LPAR6: variants seen among roughly 807,000 people sequenced by gnomAD.
LPAR6 encodes the protein lysophosphatidic acid receptor 6.
In LPAR6, 17 loss-of-function variants were observed where a neutral mutation model predicts 22.0. That is an observed-to-expected ratio of 0.77 (90% CI 0.53 to 1.16). The LOEUF is 1.16. Ranked by LOEUF, LPAR6 falls within the 50% of genes most tolerant of loss-of-function variation. LPAR6 has a pLI of 0.00. For missense variants in LPAR6, 384 were observed against 406.9 expected (o/e 0.94, Z 0.48); for synonymous variants, 136 against 139.8 (o/e 0.97, Z 0.19).
At position 48,396,988 on chromosome 13, in the gene LPAR6, G is replaced by A. The variant is rs183295281; in HGVS notation, n.115-7176C>T. 2.9e-3 allele frequency among the ~76,000 whole-genome samples: 444 copies of A among 152,276 alleles called. 2 individuals carry two copies. Among genetic ancestry groups the A allele is most frequent in the African/African-American group, 0.01 (422 of 41,548 alleles). ...TAGAATGGTGATCATTAAAAAGTCA[G>A]GAAACAACAGATGCTGGAGAGGCTG... On this transcript the variant is annotated intron_variant and non_coding_transcript_variant, in intron 1 of 1. Coordinates refer to the LPAR6 transcript ENST00000462781.
At chr13:48,403,406 T>C (rs1655410260) in intron 1 of LPAR6, among the ~76,000 whole-genome samples, 1 of 151,858 alleles carries the variant, frequency 6.6e-6, no homozygotes, top group African/African-American at 2.4e-5. Context: ...AGAAAAACTG[T>C]GGAGGGAAGT....
At chr13:48,418,983 A>G (rs984114670) in intron 2 of LPAR6, among the ~76,000 whole-genome samples, 2 of 152,168 alleles carry the variant, frequency 1.3e-5, no homozygotes, top group Admixed American at 6.5e-5. Flanking sequence ...GATCAATGAG[A>G]CAGAAAATTA....
chr13:48,403,845 G>A (rs2138184886), intron 1 of LPAR6, among the ~76,000 whole-genome samples: 2 of 152,154 alleles, frequency 1.3e-5, no homozygotes, highest in Middle Eastern at 3.4e-3. Flanking sequence ...CTAAGGCCAT[G>A]CCAGCCTATG....
At chr13:48,428,468 T>A (rs1382023108), upstream of LPAR6, among the ~76,000 whole-genome samples, 1 of 151,788 alleles carries the variant, frequency 6.6e-6, no homozygotes, top group African/African-American at 2.4e-5. Flanking sequence ...CCTCCAGCAT[T>A]GGGGATCACA....
chr13:48,411,988 C>T lies in LPAR6; in HGVS notation c.436G>A (p.Gly146Arg), dbSNP rs121434308. Residue 146 changes from glycine to arginine, a missense_variant, in exon 1 of 1, where the codon GGA becomes AGA. Transcript: ENST00000620633. ...VCTGVWLTVI[G>R]GSAPAVFVQS... ...ACAAAAACGGCGGGTGCACTTCCTC[C>T]GATCACAGTTAACCACACGCCAGTG... The T allele has an allele frequency of 6.9e-6, 11 of 1,604,734 alleles. 1 individual carries two copies. The highest frequency in any genetic ancestry group is 3.3e-5 in the South Asian group (3 of 90,050).
chr13:48,419,697 A>T (rs1948975005), intron 2 of LPAR6, among the ~76,000 whole-genome samples: 2 of 152,214 alleles, frequency 1.3e-5, no homozygotes, highest in African/African-American at 2.4e-5. Flanking sequence ...AAAAAATGCT[A>T]AAGGGGATAT....
chr13:48,439,934 AGGAGGTGGT>A (rs935978327), intron 1 of LPAR6: 10 of 152,312 alleles, frequency 6.6e-5, no homozygotes, highest in African/African-American at 2.4e-4. Context: ...ATACTTCTTA[AGGAGGTGGT>A]GGAGGAGATT....
At position 48,432,473 on chromosome 13, in the gene LPAR6, C is replaced by G. The variant is rs540163816; in HGVS notation, c.-1473-8354G>C. On this transcript the variant is annotated intron_variant, in intron 1 of 6. Coordinates refer to the LPAR6 transcript ENST00000378434. ...GCCAGTGTTCTGAAACTAAATACTT[C>G]TCGGAGAGTAGCTGTCTCTCATTAA... 3.3e-5 allele frequency among the ~76,000 whole-genome samples: 5 copies of G among 149,890 alleles called. No homozygotes were observed. The South Asian group carries it at 1.1e-3, about 32-fold the overall frequency.
At chr13:48,397,544 A>G (rs1482207477) in intron 1 of LPAR6, among the ~76,000 whole-genome samples, 1 of 152,210 alleles carries the variant, frequency 6.6e-6, no homozygotes, top group African/African-American at 2.4e-5. Context: ...CCTAATGTAG[A>G]TGATGGGTTG....
chr13:48,421,798 C>T (rs1263230448), intron 2 of LPAR6, among the ~76,000 whole-genome samples: 2 of 152,152 alleles, frequency 1.3e-5, no homozygotes, highest in African/African-American at 4.8e-5. Context: ...TAATGAAATG[C>T]AAATCAAAAC....
chr13:48,430,506 G>A (rs1949118159), upstream of LPAR6, among the ~76,000 whole-genome samples: 2 of 152,092 alleles, frequency 1.3e-5, no homozygotes, highest in South Asian at 2.1e-4. Flanking sequence ...TTTGGGAGGC[G>A]AGACAGGTGG....
At chr13:48,391,975 A>T (rs1948614119) in intron 1 of LPAR6, among the ~76,000 whole-genome samples, 2 of 152,054 alleles carry the variant, frequency 1.3e-5, no homozygotes, top group Admixed American at 1.3e-4. Context: ...TCCAGCTTTT[A>T]TGTCTGGAAA....
At chr13:48,413,162 A>C (rs1948847482), upstream of LPAR6, 1 of 167,206 alleles carries the variant, frequency 6.0e-6, no homozygotes, top group Non-Finnish European at 1.5e-5. Context: ...CATCACAGGA[A>C]GAAGAGGCTG....
chr13:48,416,255 C>T (rs198626), upstream of LPAR6: 139,818 of 152,268 alleles, frequency 0.92, 64,963 homozygotes, highest in East Asian at 1. Context: ...TGAGACTGGT[C>T]AGACAGGGGG....
intron 1 of LPAR6, among the ~76,000 whole-genome samples, chr13:48,400,113 C>T (rs1388397264): frequency 6.6e-6 from 1 of 152,116 alleles, no homozygotes; most frequent in East Asian, 1.9e-4. Flanking sequence ...AAGTAGTGCT[C>T]ATCACTTGCT....
intron 1 of LPAR6, among the ~76,000 whole-genome samples, chr13:48,394,532 C>G (rs191352073): frequency 7.4e-4 from 112 of 152,316 alleles, no homozygotes; most frequent in African/African-American, 2.6e-3. Context: ...TCACAGCAGT[C>G]TGAGGTCGAC....
chr13:48,430,270 G>A (rs1949115735), upstream of LPAR6, among the ~76,000 whole-genome samples: 1 of 152,082 alleles, frequency 6.6e-6, no homozygotes, highest in Admixed American at 6.6e-5. Context: ...GAAAATTCAG[G>A]ATAATTCAGT....
intron 1 of LPAR6, among the ~76,000 whole-genome samples, chr13:48,433,706 G>T (rs1282557539): frequency 7.0e-6 from 1 of 142,752 alleles, no homozygotes; most frequent in Non-Finnish European, 1.5e-5. Flanking sequence ...ACCTTTAGTA[G>T]GTATGCATTG....
At chr13:48,426,253 T>C (rs1949077946) in intron 1 of LPAR6, among the ~76,000 whole-genome samples, 1 of 152,196 alleles carries the variant, frequency 6.6e-6, no homozygotes, top group Non-Finnish European at 1.5e-5. Flanking sequence ...ACATCACCTA[T>C]AATATCTTAA....
Sources: gnomAD v4.1 joint callset for allele counts (sites outside exome capture counted in the v4.1 genomes callset) on GRCh38, gnomAD v4.1.1 for gene constraint, MANE v1.5 for transcripts, NCBI Gene and HGNC (gene_info 2026-07-23, HGNC 2026-07-21) for gene names.